Variants in GRID2IP observed in about 807,000 individuals in gnomAD.
GRID2IP encodes the protein Grid2 interacting protein, also known as delphilin.
In GRID2IP, 78 loss-of-function variants were observed where a neutral mutation model predicts 114.3. That is an observed-to-expected ratio of 0.68 (90% CI 0.57 to 0.82). The LOEUF (loss-of-function observed/expected upper bound fraction) is 0.82. Among genes scored for constraint, GRID2IP ranks in the 40% least tolerant of loss-of-function variants. The pLI is 0.00. For missense variants in GRID2IP, 1,727 were observed against 1,678.5 expected, an observed-to-expected ratio of 1.03 and a Z score of -0.51; for synonymous variants, 809 against 724.0, an observed-to-expected ratio of 1.12 and a Z score of -1.89.
intron 20 of GRID2IP, among the ~76,000 whole-genome samples, chr7:6,498,737 C>G (rs1201498154): frequency 6.6e-6 from 1 of 151,860 alleles, no homozygotes; most frequent in African/African-American, 2.4e-5. Context: ...GAGGTTTACA[C>G]CACCATACCC....
intron 8 of GRID2IP, among the ~76,000 whole-genome samples, chr7:6,512,227 TC>T: frequency 7.9e-6 from 1 of 126,202 alleles, no homozygotes; most frequent in Admixed American, 8.2e-5. Flanking sequence ...TTTTTTCTTT[TC>T]TTCTTTTTTT....
At position 6,526,499 on chromosome 7, in the gene GRID2IP, A is replaced by C; in HGVS notation, c.833+22T>G. On this transcript the variant is annotated intron_variant, in intron 3 of 21. Coordinates refer to ENST00000457091, the MANE Select transcript of GRID2IP (RefSeq NM_001145118.2). The surrounding 1 kb of genome is among the most constrained non-coding windows in gnomAD (Gnocchi z 7.6). Reference sequence around the variant, plus strand: ...CACCCGCAGGGAGGCGCCCGCTGCCAGTGCCTGTGAGCCCCGCGTACCTGC... The same window carrying C: ...CACCCGCAGGGAGGCGCCCGCTGCCCGTGCCTGTGAGCCCCGCGTACCTGC... 7.3e-7 allele frequency: 1 copy of C among 1,361,152 alleles called. No homozygotes were observed. The highest frequency in any genetic ancestry group is 1.5e-5 in the African/African-American group (1 of 66,628). 84.3% of individuals were successfully genotyped at this position (1,361,152 alleles called of 1,614,324 possible). A position where few individuals can be genotyped will look rare whatever the true frequency, so the allele number is the denominator to read the frequency against.
intron 1 of GRID2IP, among the ~76,000 whole-genome samples, chr7:6,546,004 CG>C (rs1377011916): frequency 6.6e-6 from 1 of 152,060 alleles, no homozygotes; most frequent in Non-Finnish European, 1.5e-5. Flanking sequence ...TGCTACAGTG[CG>C]GTTTCGGTGT....
intron 1 of GRID2IP, among the ~76,000 whole-genome samples, chr7:6,550,220 GGGTCTCAA>G (rs1481026354): frequency 3.9e-5 from 6 of 151,930 alleles, no homozygotes; most frequent in South Asian, 2.1e-4. Context: ...CTTGAACTCA[GGGTCTCAA>G]GTGATCCTCC....
Position 6,551,127 on chromosome 7 carries a change from C to A in GRID2IP, c.310G>T (p.Ala104Ser). 1 of 1,303,776 alleles carries A rather than the reference C, an allele frequency of 7.7e-7. No individual in the cohort carries two copies. Among genetic ancestry groups the A allele is most frequent in the African/African-American group, 1.6e-5 (1 of 64,254 alleles). 80.8% of individuals were successfully genotyped at this position (1,303,776 alleles called of 1,614,324 possible). Residue 104 changes from alanine to serine, a missense_variant, in exon 1 of 22, where the codon GCC becomes TCC. Coordinates refer to ENST00000457091, the MANE Select transcript of GRID2IP (RefSeq NM_001145118.2). Reference sequence around the variant, plus strand: ...GCTAGGCCGCGGCCGCACCGCGGGGCCCGCAAGACTGTGGTCGGGGCCGCG... The same window carrying A: ...GCTAGGCCGCGGCCGCACCGCGGGGACCGCAAGACTGTGGTCGGGGCCGCG... ...GPAAPTTVLR[A>S]PRCGRGLALG...
chr7:6,530,143 T>A (rs12113214), intron 2 of GRID2IP, among the ~76,000 whole-genome samples: 50,315 of 151,402 alleles, frequency 0.33, 8,838 homozygotes, highest in African/African-American at 0.43. Context: ...TATTTTTAGT[T>A]GAGACAGGGT....
rs1300291030 is a variant in GRID2IP at position 6,520,731 on chromosome 7, G to A, written c.1115C>T (p.Ser372Leu). ...DSDSLDSPNP[S>L]SALTSLQWVA... ...CCACTGCAGGGAGGTGAGCGCCGAC[G>A]ACGGGTTGGGTGAGTCCAGAGAATC... is the stretch of plus-strand genomic sequence containing the variant. Residue 372 changes from serine (S) to leucine (L), a missense_variant, in exon 7 of 22, where the codon TCG (serine) becomes TTG (leucine). Coordinates refer to ENST00000457091, the MANE Select transcript of GRID2IP (RefSeq NM_001145118.2). The surrounding 1 kb of genome is among the most constrained non-coding windows in gnomAD (Gnocchi z 4.6). 6 of 1,551,488 alleles carry A rather than the reference G, an allele frequency of 3.9e-6. No homozygotes were observed. The African/African-American group carries it at 4.1e-5, about 11-fold the overall frequency.
At chr7:6,529,962 T>TCTC (rs543552942) in intron 2 of GRID2IP, among the ~76,000 whole-genome samples, 10 of 24,788 alleles carry the variant, frequency 4.0e-4, no homozygotes, top group Admixed American at 2.3e-3. Flanking sequence ...TCTCTCTCTC[T>TCTC]TTTTTTTTTT....
chr7:6,526,723 A>AC lies in GRID2IP; in HGVS notation c.630dup (p.Ser211ValfsTer47). On this transcript the variant is annotated frameshift_variant, in exon 3 of 22. Transcript: ENST00000457091. LOFTEE classifies it high-confidence loss of function. This position sits in a 1 kb window ranked among gnomAD's most constrained non-coding sequence, Gnocchi z 7.6. ...CACAGCTTGCCCAGGAGGCCCTGAG[A>AC]CACCACCTCGTCGAAGCGCGCCCGG... The AC allele has an allele frequency of 6.6e-7, 1 of 1,523,678 alleles. No individual in the cohort carries two copies. Among genetic ancestry groups the AC allele is most frequent in the African/African-American group, 1.4e-5 (1 of 69,806 alleles). The allele number at this position is 1,523,678 out of a possible 1,614,324, so 94.4% of individuals were successfully genotyped here. A position where few individuals can be genotyped will look rare whatever the true frequency, so the allele number is the denominator to read the frequency against.
In GRID2IP at chr7:6,539,770, G is replaced by C. The variant is rs756381632; in HGVS notation, c.532C>G (p.Leu178Val). The C allele has an allele frequency of 6.5e-7, 1 of 1,550,376 alleles. No individual in the cohort carries two copies. Among genetic ancestry groups the C allele is most frequent in the Non-Finnish European group, 8.7e-7 (1 of 1,146,958 alleles). ...EQRVDDLVWT[L>V]TLALPREACG... ...GCCTCTCGGGGCAGCGCCAGGGTGAGAGTCCACACCAGATCATCCACCCGC... is the reference window on the plus strand; with the variant it reads ...GCCTCTCGGGGCAGCGCCAGGGTGACAGTCCACACCAGATCATCCACCCGC... Residue 178 changes from leucine (L) to valine (V), a missense_variant, in exon 2 of 22, where the codon CTC becomes GTC. Leu to Val is a conservative substitution (Grantham distance 32, BLOSUM62 1). Transcript: ENST00000457091.
chr7:6,540,592 T>C (rs150476463), intron 1 of GRID2IP, among the ~76,000 whole-genome samples: 62,963 of 149,914 alleles, frequency 0.42, 15,126 homozygotes, highest in Non-Finnish European at 0.56. Context: ...TCAATCTTGA[T>C]TCACTGCAAC....
At chr7:6,502,424 C>T (rs906213358) in intron 18 of GRID2IP, among the ~76,000 whole-genome samples, 3 of 152,230 alleles carry the variant, frequency 2.0e-5, no homozygotes, top group African/African-American at 4.8e-5. Flanking sequence ...CTATGTTGTC[C>T]AGGCTAGTCT....
chr7:6,550,974 C>CG, intron 1 of GRID2IP, 34 bp downstream of exon 1: 153 of 1,138,836 alleles, frequency 1.3e-4, no homozygotes, highest in Non-Finnish European at 1.5e-4. Flanking sequence ...GAGCCCCCTC[C>CG]TTCCCGCCCC....
Position 6,503,148 on chromosome 7 carries a change from C to G in GRID2IP, c.2923G>C (p.Glu975Gln). 6.8e-7 allele frequency: 1 copy of G among 1,463,816 alleles called. No homozygotes were observed. Among genetic ancestry groups the G allele is most frequent in the Non-Finnish European group, 9.1e-7 (1 of 1,093,676 alleles). 90.7% of individuals were successfully genotyped at this position (1,463,816 alleles called of 1,614,324 possible). A position where few individuals can be genotyped will look rare whatever the true frequency, so the allele number is the denominator to read the frequency against. Reference sequence around the variant, plus strand: ...AGGCTGCGCAGGCGTGTCTTGTATTCGGGAACTGACAGCATCTGCCTCGAA... The same window carrying G: ...AGGCTGCGCAGGCGTGTCTTGTATTGGGGAACTGACAGCATCTGCCTCGAA... Reference protein sequence around the residue: ...QFVLQMLSVPEYKTRLRSLHF... With the variant: ...QFVLQMLSVPQYKTRLRSLHF... The change falls in exon 17 of 22, where the codon GAA becomes CAA. Residue 975 changes from glutamate to glutamine, a missense_variant. Glu to Gln is a conservative substitution (Grantham distance 29). Transcript: ENST00000457091.
At chr7:6,511,106 G>A (rs1779142346) in intron 8 of GRID2IP, 67 bp from the exon 9 acceptor site, 3 of 1,325,338 alleles carry the variant, frequency 2.3e-6, no homozygotes, top group Middle Eastern at 2.7e-4. Flanking sequence ...CTCCAAAACA[G>A]GGAGGGGAGG....
At chr7:6,533,909 T>G (rs1434570797) in intron 2 of GRID2IP, among the ~76,000 whole-genome samples, 1 of 151,936 alleles carries the variant, frequency 6.6e-6, no homozygotes, top group Non-Finnish European at 1.5e-5. Flanking sequence ...CTCAGCCTCC[T>G]AAAATGCTGG....
Position 6,507,876 on chromosome 7 carries a change from G to A in GRID2IP, c.2544+109C>T, listed in dbSNP as rs1405107029. ...GGCCTCTACTCATCCTCTGCTTGGG[G>A]TAGGGAGGATGATGTTGGAAGATGC... On this transcript the variant is annotated intron_variant, in intron 13 of 21. Transcript: ENST00000457091. This position sits in a 1 kb window ranked among gnomAD's most constrained non-coding sequence, Gnocchi z 5.3. 2 of 1,469,064 alleles carry A rather than the reference G, an allele frequency of 1.4e-6. No homozygotes were observed. Among genetic ancestry groups the A allele is most frequent in the East Asian group, 2.5e-5 (1 of 40,150 alleles). 91.0% of individuals were successfully genotyped at this position (1,469,064 alleles called of 1,614,324 possible).
chr7:6,543,711 G>A (rs1239308514), intron 1 of GRID2IP, among the ~76,000 whole-genome samples: 1 of 151,986 alleles, frequency 6.6e-6, no homozygotes, highest in Admixed American at 6.6e-5. Flanking sequence ...CTGTGTTCAA[G>A]CGATCCTCCC....
chr7:6,542,464 G>T (rs984011331), intron 1 of GRID2IP, among the ~76,000 whole-genome samples: 1 of 151,962 alleles, frequency 6.6e-6, no homozygotes, highest in African/African-American at 2.4e-5. Flanking sequence ...GACCATCCTG[G>T]GCAACATAGC....
Sources: allele counts gnomAD v4.1 joint callset (sites outside exome capture counted in the v4.1 genomes callset), GRCh38; gene constraint gnomAD v4.1.1; non-coding constraint Gnocchi (gnomAD v3.1); transcripts MANE v1.5; gene names NCBI Gene and HGNC (gene_info 2026-07-23, HGNC 2026-07-21).